The following DPP10 variants were observed in gnomAD, a reference collection of about 807,000 sequenced individuals.
DPP10 encodes the protein inactive dipeptidyl peptidase 10.
A neutral mutation model predicts 120.9 loss-of-function variants in DPP10; 33 were observed. The observed-to-expected ratio is 0.27, with a 90% CI of 0.21 to 0.37. DPP10 has a LOEUF of 0.37. DPP10 is among the 10% of genes least tolerant of loss of function. The probability of loss-of-function intolerance (pLI) is 1.00; values close to 1 mark genes in which losing one functional copy is unlikely to be tolerated. For synonymous variants in DPP10, 337 were observed against 326.1 expected (o/e 1.03, Z -0.36); for missense variants, 816 against 942.8 (o/e 0.87, Z 1.76).
intron 1 of DPP10, among the ~76,000 whole-genome samples, chr2:114,975,268 T>A (rs1699677206): frequency 6.6e-6 from 1 of 151,928 alleles, no homozygotes; most frequent in Non-Finnish European, 1.5e-5. Flanking sequence ...GTGGTCTCAA[T>A]CTCTTGACCT....
intron 1 of DPP10, among the ~76,000 whole-genome samples, chr2:115,140,772 G>C (rs1413872053): frequency 1.3e-5 from 2 of 152,062 alleles, no homozygotes; most frequent in East Asian, 3.9e-4. Flanking sequence ...CAAGTTTTCT[G>C]ATCCACATAA....
In DPP10 at chr2:115,563,247, G is replaced by A. The variant is rs572721421; in HGVS notation, c.441+37275G>A. ...TTCCTAACCCTGACTCATGGTAGTC[G>A]TCCTCAATATGTATTTATTTGAAAT... On this transcript the variant is annotated intron_variant, in intron 5 of 25. Transcript: ENST00000410059. 4.6e-5 allele frequency among the ~76,000 whole-genome samples: 7 copies of A among 152,150 alleles called. No individual in the cohort carries two copies. In the South Asian group the frequency reaches 6.2e-4, roughly 14 times the overall value.
At chr2:115,536,450 A>T (rs2078847438) in intron 5 of DPP10, among the ~76,000 whole-genome samples, 1 of 152,114 alleles carries the variant, frequency 6.6e-6, no homozygotes, top group Admixed American at 6.6e-5. Flanking sequence ...CTATTACAAA[A>T]ATCTGTCCTG....
chr2:114,919,309 C>G (rs138516301), intron 1 of DPP10, among the ~76,000 whole-genome samples: 2 of 152,304 alleles, frequency 1.3e-5, no homozygotes, highest in African/African-American at 4.8e-5. Flanking sequence ...TTTTGTCTCA[C>G]TGAAGGCTAT....
At chr2:115,824,185 C>G (rs1409720853) in intron 21 of DPP10, among the ~76,000 whole-genome samples, 1 of 152,006 alleles carries the variant, frequency 6.6e-6, no homozygotes. Context: ...TAAAAAAATG[C>G]TCAATGTTTT....
At chr2:114,846,326 G>A (rs971603145) in intron 1 of DPP10, among the ~76,000 whole-genome samples, 2 of 152,152 alleles carry the variant, frequency 1.3e-5, no homozygotes, top group African/African-American at 4.8e-5. Context: ...TAAATATGCT[G>A]ATCAATTACT....
At chr2:115,545,630 AG>A (rs1385706162) in intron 5 of DPP10, among the ~76,000 whole-genome samples, 1 of 152,172 alleles carries the variant, frequency 6.6e-6, no homozygotes, top group African/African-American at 2.4e-5. Context: ...TCTGGAAATC[AG>A]AAGTTTAATT....
intron 1 of DPP10, among the ~76,000 whole-genome samples, chr2:115,212,451 C>G (rs1024032379): frequency 7.2e-5 from 11 of 152,100 alleles, no homozygotes; most frequent in African/African-American, 2.4e-4. Context: ...TCTGTATTTT[C>G]TTTAATTCAG....
chr2:115,589,313 T>C (rs1433972025), intron 5 of DPP10, among the ~76,000 whole-genome samples: 1 of 152,188 alleles, frequency 6.6e-6, no homozygotes, highest in Non-Finnish European at 1.5e-5. Context: ...ATACATGCTT[T>C]AATGTTGTCT....
intron 3 of DPP10, among the ~76,000 whole-genome samples, chr2:115,377,006 A>G (rs1464491157): frequency 2.0e-5 from 3 of 150,580 alleles, no homozygotes; most frequent in African/African-American, 4.9e-5. Context: ...ATGCCACAAT[A>G]AACATACATG....
rs374186266 is a variant in DPP10, at chr2:115,393,261, G to A, written c.271+49349G>A. 1.1e-4 allele frequency among the ~76,000 whole-genome samples: 17 copies of A among 151,612 alleles called. 1 individual carries two copies. Among genetic ancestry groups the A allele is most frequent in the Admixed American group, 8.5e-4 (13 of 15,212 alleles). On this transcript the variant is annotated intron_variant, in intron 3 of 25. Transcript: ENST00000410059. ...CCAAGAGGTGGAGGTTGCAATTAGC[G>A]GAGATTGTGCCACTGCACTCAAGCC...
At chr2:115,312,213 C>T (rs2061607641) in intron 2 of DPP10, among the ~76,000 whole-genome samples, 1 of 152,158 alleles carries the variant, frequency 6.6e-6, no homozygotes, top group East Asian at 1.9e-4. Context: ...AGGAAGCAGA[C>T]ACCCTACTTT....
chr2:114,864,531 T>C (rs1298874199), intron 1 of DPP10, among the ~76,000 whole-genome samples: 2 of 152,164 alleles, frequency 1.3e-5, no homozygotes, highest in Non-Finnish European at 2.9e-5. Context: ...CATGAAACAT[T>C]CCATGATTGT....
At chr2:114,648,889 G>A (rs1452731081) in intron 1 of DPP10, among the ~76,000 whole-genome samples, 2 of 152,124 alleles carry the variant, frequency 1.3e-5, no homozygotes, top group Admixed American at 1.3e-4. Context: ...TTATCACAGA[G>A]GAAAATGTGG....
chr2:114,505,051 CAAAAAA>C (rs3061538), intron 1 of DPP10, among the ~76,000 whole-genome samples: 22 of 44,896 alleles, frequency 4.9e-4, no homozygotes, highest in Admixed American at 7.0e-4. Flanking sequence ...GACTCTGTCT[CAAAAAA>C]AAAAAAAAAA....
At chr2:114,608,932 T>C (rs1693054672) in intron 1 of DPP10, among the ~76,000 whole-genome samples, 1 of 152,120 alleles carries the variant, frequency 6.6e-6, no homozygotes, top group Non-Finnish European at 1.5e-5. Context: ...AACTAACTAT[T>C]GGGTACTATG....
chr2:114,505,178 A>G (rs1683539446), intron 1 of DPP10, among the ~76,000 whole-genome samples: 1 of 151,440 alleles, frequency 6.6e-6, no homozygotes, highest in Non-Finnish European at 1.5e-5. Flanking sequence ...ATAAAAAAAT[A>G]TAGACCCAAA....
chr2:115,627,115 CA>C (rs955362242), intron 5 of DPP10, among the ~76,000 whole-genome samples: 2 of 151,460 alleles, frequency 1.3e-5, no homozygotes, highest in East Asian at 1.9e-4. Context: ...TGTTGAATTA[CA>C]AAAAAAATCC....
At chr2:114,504,885 C>T (rs372577506) in intron 1 of DPP10, among the ~76,000 whole-genome samples, 1 of 151,656 alleles carries the variant, frequency 6.6e-6, no homozygotes, top group Non-Finnish European at 1.5e-5. Flanking sequence ...AACCCCATTT[C>T]TACTAAAAAT....
Sources: gnomAD v4.1 joint callset for allele counts (sites outside exome capture counted in the v4.1 genomes callset) on GRCh38, gnomAD v4.1.1 for gene constraint, MANE v1.5 for transcripts, NCBI Gene and HGNC (gene_info 2026-07-23, HGNC 2026-07-21) for gene names.